MSRB3: variants seen among roughly 807,000 people sequenced by gnomAD.
MSRB3 encodes the protein methionine sulfoxide reductase B3, also known as methionine-R-sulfoxide reductase B3.
MSRB3 carries 13 observed loss-of-function variants against 21.0 expected under a neutral mutation model. The observed-to-expected ratio is 0.62, with a 90% confidence interval of 0.40 to 0.98. MSRB3 has a LOEUF of 0.98. Ranked by LOEUF, MSRB3 falls within the 50% of genes least tolerant of loss-of-function variation. The pLI, the probability that MSRB3 is intolerant of heterozygous loss-of-function variation, is 0.00. For synonymous variants in MSRB3, 87 were observed against 88.6 expected (o/e 0.98, Z 0.10); for missense variants, 199 against 230.3 (o/e 0.86, Z 0.88).
At position 65,422,388 on chromosome 12, in the gene MSRB3, GTATATATATATA is replaced by G. The variant is rs59746471; in HGVS notation, c.293-31308_293-31297del. Among the ~76,000 whole-genome samples the G allele has an allele frequency of 1.2e-3, 109 of 92,492 alleles. 2 individuals carry two copies. Among genetic ancestry groups the G allele is most frequent in the African/African-American group, 3.2e-3 (71 of 22,252 alleles). 60.7% of individuals were successfully genotyped at this position (92,492 alleles called of 152,430 possible). A position where few individuals can be genotyped will look rare whatever the true frequency, so the allele number is the denominator to read the frequency against. Reference sequence around the variant, plus strand: ...AATTTTTAATTTTTGGGAGTACATAGTATATATATATATATATATATATATATATATATATAT... The same window carrying G: ...AATTTTTAATTTTTGGGAGTACATAGTATATATATATATATATATATATAT... On this transcript the variant is annotated intron_variant, in intron 5 of 6. Coordinates refer to ENST00000308259, the MANE Select transcript of MSRB3 (RefSeq NM_001031679.3).
At chr12:65,359,106 T>C (rs563543808) in intron 4 of MSRB3, among the ~76,000 whole-genome samples, 4 of 152,152 alleles carry the variant, frequency 2.6e-5, no homozygotes, top group African/African-American at 9.6e-5. Context: ...ATAGTTACCA[T>C]TATATATAAT....
intron 5 of MSRB3, among the ~76,000 whole-genome samples, chr12:65,413,168 A>G (rs377216603): frequency 6.6e-6 from 1 of 152,196 alleles, no homozygotes. Context: ...TCAAATTGCT[A>G]AAAGGTCAGA....
rs114621466 is a variant in MSRB3, at chr12:65,339,552, C to A, written c.263+10949C>A. ...GTTGGGAAGAGATGTTTGGTAACACCATTACACAGTATTTCTGTAATACAG... is the reference window on the plus strand; with the variant it reads ...GTTGGGAAGAGATGTTTGGTAACACAATTACACAGTATTTCTGTAATACAG... On this transcript the variant is annotated intron_variant, in intron 4 of 6. Transcript: ENST00000308259. Among the ~76,000 whole-genome samples, 1,232 of 152,200 alleles carry A rather than the reference C, an allele frequency of 8.1e-3. 18 individuals carry two copies. The highest frequency in any genetic ancestry group is 0.029 in the African/African-American group (1,191 of 41,508).
At chr12:65,294,364 T>G (rs998997119) in intron 1 of MSRB3, among the ~76,000 whole-genome samples, 2 of 152,232 alleles carry the variant, frequency 1.3e-5, no homozygotes, top group African/African-American at 4.8e-5. Flanking sequence ...GTGCATGAGA[T>G]GAGTTAGGAG....
At chr12:65,330,918 A>G (rs1196752223) in intron 4 of MSRB3, among the ~76,000 whole-genome samples, 1 of 152,136 alleles carries the variant, frequency 6.6e-6, no homozygotes, top group African/African-American at 2.4e-5. Flanking sequence ...ACATGTATTC[A>G]TATCTTTATT....
intron 4 of MSRB3, among the ~76,000 whole-genome samples, chr12:65,358,874 T>TA (rs1877542726): frequency 2.0e-5 from 3 of 151,976 alleles, no homozygotes; most frequent in Admixed American, 2.0e-4. Flanking sequence ...GGTCTACCCT[T>TA]ACCTGCTTCT....
At chr12:65,459,247 C>G (rs1487744566) in intron 6 of MSRB3, among the ~76,000 whole-genome samples, 1 of 152,098 alleles carries the variant, frequency 6.6e-6, no homozygotes, top group Non-Finnish European at 1.5e-5. Flanking sequence ...TGTTCTAAGT[C>G]AGCCAAATCA....
chr12:65,336,331 A>T (rs1297406164), intron 4 of MSRB3, among the ~76,000 whole-genome samples: 2 of 152,256 alleles, frequency 1.3e-5, no homozygotes, highest in African/African-American at 4.8e-5. Context: ...GACTCAAAGT[A>T]TAACAATATA....
At chr12:65,308,412 C>A in intron 1 of MSRB3, 117 bp from the exon 2 acceptor site, 1 of 1,334,494 alleles carries the variant, frequency 7.5e-7, no homozygotes, top group Non-Finnish European at 1.0e-6. Context: ...AATTTATTAG[C>A]AGTATGTGCA....
chr12:65,446,385 C>A (rs553527672), intron 5 of MSRB3, among the ~76,000 whole-genome samples: 5 of 152,070 alleles, frequency 3.3e-5, no homozygotes, highest in Non-Finnish European at 7.4e-5. Context: ...CCAGTTAAAG[C>A]GGCTAAAACT....
intron 2 of MSRB3, among the ~76,000 whole-genome samples, chr12:65,312,502 T>C (rs998614902): frequency 3.3e-5 from 5 of 152,056 alleles, no homozygotes; most frequent in African/African-American, 1.2e-4. Context: ...GTGAAATAAA[T>C]AAAATTTGTC....
intron 2 of MSRB3, among the ~76,000 whole-genome samples, chr12:65,317,153 T>C (rs2136435365): frequency 6.6e-6 from 1 of 152,286 alleles, no homozygotes; most frequent in Admixed American, 6.5e-5. Flanking sequence ...TTTGAGGGCT[T>C]TGGACTAGAA....
chr12:65,285,112 G>C (rs1872263621), intron 1 of MSRB3: 1 of 152,036 alleles, frequency 6.6e-6, no homozygotes, highest in Non-Finnish European at 1.5e-5. Flanking sequence ...GTCCTTTATG[G>C]TTACTTTTTG....
At chr12:65,381,569 A>G (rs569869480) in intron 5 of MSRB3, among the ~76,000 whole-genome samples, 1 of 152,276 alleles carries the variant, frequency 6.6e-6, no homozygotes, top group African/African-American at 2.4e-5. Context: ...TGCTTATAGT[A>G]TCAAAATATT....
At chr12:65,439,894 A>C (rs568007413) in intron 5 of MSRB3, among the ~76,000 whole-genome samples, 6 of 151,908 alleles carry the variant, frequency 3.9e-5, no homozygotes, top group African/African-American at 1.2e-4. Context: ...CCTAGAGCAG[A>C]AATATTTATG....
intron 5 of MSRB3, among the ~76,000 whole-genome samples, chr12:65,385,929 C>A (rs1379825226): frequency 6.6e-6 from 1 of 151,358 alleles, no homozygotes; most frequent in African/African-American, 2.4e-5. Context: ...CATATTTGAC[C>A]TTGTATTTTT....
At position 65,453,619 on chromosome 12, in the gene MSRB3, A is replaced by G. The variant is rs142397042; in HGVS notation, c.293-109A>G. 2.5e-3 allele frequency: 2,105 copies of G among 850,170 alleles called. 34 individuals carry two copies. The African/African-American group carries it at 0.032, about 13-fold the overall frequency. 52.7% of individuals were successfully genotyped at this position (850,170 alleles called of 1,614,324 possible). On this transcript the variant is annotated intron_variant, in intron 5 of 6. Transcript: ENST00000308259. ...CTTTTTTCAGGTTGAAAAGTTAAACATACACTAAGGATTTTCATTATTTGC... is the reference window on the plus strand; with the variant it reads ...CTTTTTTCAGGTTGAAAAGTTAAACGTACACTAAGGATTTTCATTATTTGC...
At chr12:65,352,434 A>G (rs376695168) in intron 4 of MSRB3, among the ~76,000 whole-genome samples, 5 of 150,384 alleles carry the variant, frequency 3.3e-5, no homozygotes, top group East Asian at 2.0e-4. Flanking sequence ...CACCACTCCT[A>G]TTCAACATAG....
intron 5 of MSRB3, among the ~76,000 whole-genome samples, chr12:65,400,019 G>T (rs557372379): frequency 6.6e-6 from 1 of 152,252 alleles, no homozygotes; most frequent in East Asian, 1.9e-4. Context: ...TTTTATTGAG[G>T]ATTTTCACAT....
Sources: gnomAD v4.1 joint callset for allele counts (sites outside exome capture counted in the v4.1 genomes callset) on GRCh38, gnomAD v4.1.1 for gene constraint, MANE v1.5 for transcripts, NCBI Gene and HGNC (gene_info 2026-07-23, HGNC 2026-07-21) for gene names.